The following CNTNAP5 variants were observed in gnomAD, a reference collection of about 807,000 sequenced individuals.
The protein encoded by CNTNAP5 is contactin associated protein family member 5, also known as contactin-associated protein-like 5.
A neutral mutation model predicts 150.2 loss-of-function variants in CNTNAP5; 72 were observed. The observed-to-expected ratio is 0.48, with a 90% confidence interval of 0.40 to 0.58. The LOEUF is 0.58. Among genes scored for constraint, CNTNAP5 ranks in the 20% least tolerant of loss-of-function variants. The pLI is 0.00. For missense variants in CNTNAP5, 1,636 were observed against 1,626.2 expected, an observed-to-expected ratio of 1.01 and a Z score of -0.10; for synonymous variants, 672 against 619.8, an observed-to-expected ratio of 1.08 and a Z score of -1.25.
chr2:124,184,331 T>C (rs1326100001), intron 1 of CNTNAP5, among the ~76,000 whole-genome samples: 1 of 152,142 alleles, frequency 6.6e-6, no homozygotes, highest in South Asian at 2.1e-4. Context: ...GAGCTTTGCA[T>C]GGAGAAGCAA....
chr2:124,064,544 C>G (rs957068359), intron 1 of CNTNAP5, among the ~76,000 whole-genome samples: 3 of 152,094 alleles, frequency 2.0e-5, no homozygotes, highest in Non-Finnish European at 4.4e-5. Flanking sequence ...CTCCTGCATC[C>G]ATCAATTTTC....
chr2:124,773,313 A>G (rs1681246801), intron 17 of CNTNAP5, among the ~76,000 whole-genome samples: 1 of 152,178 alleles, frequency 6.6e-6, no homozygotes, highest in Non-Finnish European at 1.5e-5. Flanking sequence ...TCATTGTAAT[A>G]TAAATCTACT....
intron 1 of CNTNAP5, among the ~76,000 whole-genome samples, chr2:124,065,317 A>G (rs561162669): frequency 6.6e-6 from 1 of 152,316 alleles, no homozygotes; most frequent in African/African-American, 2.4e-5. Context: ...ATTAAAAAAT[A>G]TATACACATA....
At chr2:124,095,816 T>C (rs1285462813) in intron 1 of CNTNAP5, among the ~76,000 whole-genome samples, 1 of 152,218 alleles carries the variant, frequency 6.6e-6, no homozygotes. Flanking sequence ...CCAACATTTA[T>C]TGAATGCACA....
intron 1 of CNTNAP5, among the ~76,000 whole-genome samples, chr2:124,095,841 T>G (rs1682922921): frequency 6.6e-6 from 1 of 152,230 alleles, no homozygotes; most frequent in African/African-American, 2.4e-5. Context: ...ATGACAATCA[T>G]TTTCATGCTT....
intron 3 of CNTNAP5, among the ~76,000 whole-genome samples, chr2:124,392,409 G>C (rs961736175): frequency 1.3e-5 from 2 of 152,040 alleles, no homozygotes; most frequent in Non-Finnish European, 2.9e-5. Context: ...TCTAGGAGTA[G>C]GTCAGTTAAA....
chr2:124,162,377 C>T (rs1023202135), intron 1 of CNTNAP5, among the ~76,000 whole-genome samples: 3 of 152,100 alleles, frequency 2.0e-5, no homozygotes, highest in African/African-American at 4.8e-5. Flanking sequence ...ATTATCTTTA[C>T]AGACAGTAAA....
chr2:124,255,467 T>A (rs1257459030), intron 3 of CNTNAP5, among the ~76,000 whole-genome samples: 3 of 151,670 alleles, frequency 2.0e-5, no homozygotes, highest in African/African-American at 7.3e-5. Flanking sequence ...GAGGCTGCAG[T>A]TAGCCGAGAT....
chr2:124,325,843 G>A (rs1689202803), intron 3 of CNTNAP5, among the ~76,000 whole-genome samples: 1 of 152,206 alleles, frequency 6.6e-6, no homozygotes, highest in South Asian at 2.1e-4. Context: ...AAGAAATTAT[G>A]ACTATAGACC....
chr2:124,086,268 C>CTTT lies in CNTNAP5; in HGVS notation c.82+60537_82+60538insTTT, dbSNP rs1558750248. On this transcript the variant is annotated intron_variant, in intron 1 of 23. Coordinates refer to ENST00000682447, the MANE Select transcript of CNTNAP5 (RefSeq NM_001367498.1). ...CTGGAGTGCAGTGGCGCCATCTCGG[C>CTTT]TCATTGCAAGCTCCGCCTCCCGGCT... is the stretch of plus-strand genomic sequence containing the variant. 2.1e-3 allele frequency among the ~76,000 whole-genome samples: 302 copies of CTTT among 141,528 alleles called. 2 individuals carry two copies. The highest frequency in any genetic ancestry group is 7.6e-3 in the African/African-American group (282 of 37,092). The allele number at this position is 141,528 out of a possible 152,430, so 92.8% of individuals were successfully genotyped here. A position where few individuals can be genotyped will look rare whatever the true frequency, so the allele number is the denominator to read the frequency against.
At chr2:124,884,255 G>A (rs1558812923) in intron 21 of CNTNAP5, among the ~76,000 whole-genome samples, 2 of 151,942 alleles carry the variant, frequency 1.3e-5, no homozygotes. Flanking sequence ...TTCTCTCTGT[G>A]TGTATGTGTA....
chr2:124,912,408 A>G (rs1210224180), intron 23 of CNTNAP5, among the ~76,000 whole-genome samples: 2 of 152,042 alleles, frequency 1.3e-5, no homozygotes, highest in African/African-American at 4.8e-5. Flanking sequence ...GTAGAGGAAT[A>G]TGGGGATGAA....
At chr2:124,598,064 T>C (rs13390069) in intron 11 of CNTNAP5, among the ~76,000 whole-genome samples, 3,969 of 41,220 alleles carry the variant, frequency 0.096, 111 homozygotes, top group East Asian at 0.36. Context: ...TTTCAAAGTT[T>C]TCAGCTTCTT....
chr2:124,408,425 G>C (rs1186624116), intron 3 of CNTNAP5, among the ~76,000 whole-genome samples: 1 of 152,192 alleles, frequency 6.6e-6, no homozygotes, highest in Admixed American at 6.5e-5. Flanking sequence ...TCCACCTCTG[G>C]GGGCAGGGCA....
At chr2:124,727,159 A>G (rs1203040988) in intron 13 of CNTNAP5, among the ~76,000 whole-genome samples, 1 of 151,982 alleles carries the variant, frequency 6.6e-6, no homozygotes, top group Admixed American at 6.6e-5. Flanking sequence ...GCCTGGATTC[A>G]TTTTGAGGTT....
chr2:124,740,636 A>G (rs558847593), intron 13 of CNTNAP5, among the ~76,000 whole-genome samples: 1 of 152,216 alleles, frequency 6.6e-6, no homozygotes, highest in African/African-American at 2.4e-5. Flanking sequence ...CTTCTTTATA[A>G]CCCCTACAGA....
intron 3 of CNTNAP5, among the ~76,000 whole-genome samples, chr2:124,271,416 G>A: frequency 6.6e-6 from 1 of 152,118 alleles, no homozygotes; most frequent in East Asian, 1.9e-4. Flanking sequence ...GAGAGGCCTG[G>A]AGATGGGGGT....
intron 4 of CNTNAP5, among the ~76,000 whole-genome samples, chr2:124,423,652 C>CAT: frequency 2.4e-5 from 1 of 41,592 alleles, no homozygotes; most frequent in South Asian, 1.9e-3. Context: ...GGCTAATTAA[C>CAT]TTTTTTTTTT....
intron 8 of CNTNAP5, among the ~76,000 whole-genome samples, chr2:124,510,968 T>C (rs547475667): frequency 7.9e-4 from 121 of 152,304 alleles, no homozygotes; most frequent in Middle Eastern, 3.4e-3. Context: ...TTTCATAAGG[T>C]ACCAAGTGCC....
Sources: gnomAD v4.1 joint callset for allele counts (sites outside exome capture counted in the v4.1 genomes callset) on GRCh38, gnomAD v4.1.1 for gene constraint, MANE v1.5 for transcripts, NCBI Gene and HGNC (gene_info 2026-07-23, HGNC 2026-07-21) for gene names.